The following GCNT2 variants were observed in gnomAD, a reference collection of about 807,000 sequenced individuals.
GCNT2 encodes the protein N-acetyllactosaminide beta-1,6-N-acetylglucosaminyl-transferase.
Under a neutral mutation model 34.2 loss-of-function variants are expected in GCNT2, and 34 were observed. The observed-to-expected ratio is 1.00, with a 90% CI of 0.76 to 1.32. GCNT2 has a LOEUF of 1.32. GCNT2 is among the 40% of genes most tolerant of loss of function. GCNT2 has a pLI of 0.00. For synonymous variants in GCNT2, 212 were observed against 188.0 expected, an observed-to-expected ratio of 1.13 and a Z score of -1.04; for missense variants, 584 against 489.4, an observed-to-expected ratio of 1.19 and a Z score of -1.82.
intron 3 of GCNT2, among the ~76,000 whole-genome samples, chr6:10,596,164 C>G (rs947834939): frequency 6.6e-6 from 1 of 152,106 alleles, no homozygotes; most frequent in Non-Finnish European, 1.5e-5. Flanking sequence ...TTTTCAGCAA[C>G]AAAGCTGAAT....
chr6:10,581,387 C>T (rs1194989466), intron 3 of GCNT2, among the ~76,000 whole-genome samples: 2 of 152,144 alleles, frequency 1.3e-5, no homozygotes, highest in Admixed American at 6.5e-5. Flanking sequence ...TCTCCTGCCT[C>T]ATCCTCCCTC....
At chr6:10,598,754 G>C (rs1165917363) in intron 3 of GCNT2, among the ~76,000 whole-genome samples, 4 of 152,170 alleles carry the variant, frequency 2.6e-5, no homozygotes, top group Admixed American at 2.0e-4. Context: ...CAGTGCTGGG[G>C]AGGGAAGGGG....
At chr6:10,586,257 G>C in intron 3 of GCNT2, 1 of 1,614,180 alleles carries the variant, frequency 6.2e-7, no homozygotes, top group Non-Finnish European at 8.5e-7. Flanking sequence ...TCCCCTGTCG[G>C]AAGAAGAGGC....
At chr6:10,586,004 G>A (rs1764325781) in intron 3 of GCNT2, 8 of 1,614,030 alleles carry the variant, frequency 5.0e-6, no homozygotes, top group Non-Finnish European at 6.8e-6. Context: ...ACTTTTGGAG[G>A]TACTGCTTTT....
At chr6:10,531,538 C>A (rs996058148) in intron 3 of GCNT2, among the ~76,000 whole-genome samples, 1 of 152,146 alleles carries the variant, frequency 6.6e-6, no homozygotes, top group Non-Finnish European at 1.5e-5. Context: ...CATGTACAGC[C>A]AGGGGTGTAA....
intron 1 of GCNT2, among the ~76,000 whole-genome samples, chr6:10,526,411 G>A (rs1010656025): frequency 1.3e-5 from 2 of 152,086 alleles, no homozygotes; most frequent in South Asian, 2.1e-4. Flanking sequence ...CAATGTGTTC[G>A]CTTTTAGCTG....
rs1764158047 is a variant in GCNT2, at chr6:10,582,466, T to TAATA, written c.926-38884_926-38881dup. Among the ~76,000 whole-genome samples, 10 of 112,982 alleles carry TAATA rather than the reference T, an allele frequency of 8.9e-5. No homozygotes were observed. In the South Asian group the frequency reaches 2.4e-3, roughly 27 times the overall value. 74.1% of individuals were successfully genotyped at this position (112,982 alleles called of 152,430 possible). A position where few individuals can be genotyped will look rare whatever the true frequency, so the allele number is the denominator to read the frequency against. On this transcript the variant is annotated intron_variant, in intron 3 of 4. Transcript: ENST00000495262. ...TATTATATAATATATATAATAAATA[T>TAATA]AATATATACTATAATATATACTATA...
chr6:10,535,611 C>T (rs1761717073), intron 3 of GCNT2, among the ~76,000 whole-genome samples: 1 of 152,150 alleles, frequency 6.6e-6, no homozygotes, highest in Non-Finnish European at 1.5e-5. Flanking sequence ...GTCATGTGTG[C>T]CTTGAATTTT....
chr6:10,527,977 G>A (rs1314822719), intron 2 of GCNT2, among the ~76,000 whole-genome samples: 1 of 152,132 alleles, frequency 6.6e-6, no homozygotes, highest in Non-Finnish European at 1.5e-5. Flanking sequence ...CTAAGCATCA[G>A]GGTTCTCTGT....
In GCNT2 at chr6:10,539,180, C is replaced by CTTTTTTTTTTTTT. The variant is rs71548847; in HGVS notation, c.925+9358_925+9370dup. On this transcript the variant is annotated intron_variant, in intron 3 of 4. Transcript: ENST00000495262. Reference sequence around the variant, plus strand: ...AGCCTATCTCTACAGCTCACCGTCTCTTTTTTTTTTTTTTTTTTTTTTTTT... The same window carrying CTTTTTTTTTTTTT: ...AGCCTATCTCTACAGCTCACCGTCTCTTTTTTTTTTTTTTTTTTTTTTTTTTTTTTTTTTTTTT... Among the ~76,000 whole-genome samples, 125 of 65,330 alleles carry CTTTTTTTTTTTTT rather than the reference C, an allele frequency of 1.9e-3. 27 individuals carry two copies. Among genetic ancestry groups the CTTTTTTTTTTTTT allele is most frequent in the East Asian group, 5.1e-3 (9 of 1,780 alleles). The allele number at this position is 65,330 out of a possible 152,430, so 42.9% of individuals were successfully genotyped here.
intron 3 of GCNT2, among the ~76,000 whole-genome samples, chr6:10,570,909 G>T (rs112525706): frequency 0.011 from 1,724 of 152,220 alleles, 37 homozygotes; most frequent in African/African-American, 0.039. Context: ...ATTTATCTCT[G>T]GTCCATTATC....
At chr6:10,601,969 A>G (rs1442388251) in intron 3 of GCNT2, among the ~76,000 whole-genome samples, 1 of 151,030 alleles carries the variant, frequency 6.6e-6, no homozygotes, top group African/African-American at 2.4e-5. Context: ...AACAAAAAAA[A>G]CACTAAAGCC....
intron 1 of GCNT2, among the ~76,000 whole-genome samples, chr6:10,523,019 C>T (rs534494179): frequency 1.7e-4 from 26 of 152,342 alleles, no homozygotes; most frequent in African/African-American, 5.8e-4. Flanking sequence ...CATGTGCAAA[C>T]GCAGGCGGAA....
chr6:10,560,119 C>T (rs34298246), intron 3 of GCNT2, among the ~76,000 whole-genome samples: 20,973 of 152,136 alleles, frequency 0.14, 1,793 homozygotes, highest in Non-Finnish European at 0.19. Flanking sequence ...GACAGAGTCT[C>T]ACTCTGTAGC....
At chr6:10,617,747 C>CTTTTTTTTTTTTT (rs1407402607) in intron 3 of GCNT2, among the ~76,000 whole-genome samples, 7 of 114,290 alleles carry the variant, frequency 6.1e-5, no homozygotes, top group African/African-American at 3.0e-4. Flanking sequence ...GTCTGCATTT[C>CTTTTTTTTTTTTT]TTCTTTTTTT....
rs972573195 is a variant in GCNT2 at position 10,529,654 on chromosome 6, C to G, written c.743C>G (p.Thr248Arg). Reference protein sequence around the residue: ...NHKNSYVIKTTKLKTPPPHDM... With the variant: ...NHKNSYVIKTRKLKTPPPHDM... ...AAAAATTCCTACGTGATTAAAACAA[C>G]AAAATTAAAAACTCCTCCTCCTCAT... is the stretch of plus-strand genomic sequence containing the variant. Residue 248 changes from threonine to arginine, a missense_variant, in exon 3 of 5, where the codon ACA (threonine) becomes AGA (arginine). Transcript: ENST00000495262. 13 of 1,614,076 alleles carry G rather than the reference C, an allele frequency of 8.1e-6. No individual in the cohort carries two copies. The highest frequency in any genetic ancestry group is 1.3e-5 in the African/African-American group (1 of 75,006).
chr6:10,551,480 C>T (rs1480251017), intron 3 of GCNT2, among the ~76,000 whole-genome samples: 1 of 150,082 alleles, frequency 6.7e-6, no homozygotes, highest in Non-Finnish European at 1.5e-5. Context: ...GAGTCTCGCT[C>T]CGTTGCCCAG....
rs1581402285 is a variant in GCNT2 at position 10,557,408 on chromosome 6, AG to A, written c.925+27573del. ...TATTTGAAAGGGCTTTAGAATAACC[AG>A]CCACTTTTTATTAGGAAGTAGAAGA... On this transcript the variant is annotated intron_variant, in intron 3 of 4. Coordinates refer to ENST00000495262, the MANE Select transcript of GCNT2 (RefSeq NM_145649.5). 26 of 1,256,180 alleles carry A rather than the reference AG, an allele frequency of 2.1e-5. No homozygotes were observed. In the East Asian group the frequency reaches 5.8e-4, roughly 28 times the overall value. 77.8% of individuals were successfully genotyped at this position (1,256,180 alleles called of 1,614,324 possible).
chr6:10,556,094 G>T, intron 3 of GCNT2: 2 of 1,216,782 alleles, frequency 1.6e-6, no homozygotes, highest in South Asian at 3.6e-5. Flanking sequence ...TAAATCTGCC[G>T]GGGGAAAGAG....
Sources: gnomAD v4.1 joint callset for allele counts (sites outside exome capture counted in the v4.1 genomes callset) on GRCh38, gnomAD v4.1.1 for gene constraint, MANE v1.5 for transcripts, NCBI Gene and HGNC (gene_info 2026-07-23, HGNC 2026-07-21) for gene names.